Variants in DLGAP2 observed in about 807,000 individuals in gnomAD.
DLGAP2 encodes the protein DLG associated protein 2, also known as disks large-associated protein 2.
In DLGAP2, 26 loss-of-function variants were observed where a neutral mutation model predicts 100.3. The ratio of observed to expected loss-of-function variants is 0.26; its 90% CI spans 0.19 to 0.36. The LOEUF (loss-of-function observed/expected upper bound fraction) is 0.36. Among genes scored for constraint, DLGAP2 ranks in the 10% least tolerant of loss-of-function variants. DLGAP2 has a pLI of 1.00. For missense variants in DLGAP2, 1,858 were observed against 1,453.2 expected, an observed-to-expected ratio of 1.28 and a Z score of -4.53; for synonymous variants, 886 against 630.1, an observed-to-expected ratio of 1.41 and a Z score of -6.08.
chr8:1,301,756 G>C (rs764689713), intron 3 of DLGAP2: 1 of 152,284 alleles, frequency 6.6e-6, no homozygotes, highest in Non-Finnish European at 1.5e-5. Flanking sequence ...CTCTGGGCTT[G>C]TTCTCGCCAC....
intron 3 of DLGAP2, among the ~76,000 whole-genome samples, chr8:1,363,588 T>C (rs1334254455): frequency 6.6e-6 from 1 of 152,196 alleles, no homozygotes; most frequent in Non-Finnish European, 1.5e-5. Context: ...GGCTGTCTTC[T>C]CACAGCCCTG....
At chr8:775,013 C>G (rs578154948) in intron 1 of DLGAP2, among the ~76,000 whole-genome samples, 9 of 152,128 alleles carry the variant, frequency 5.9e-5, no homozygotes, top group African/African-American at 2.2e-4. Context: ...TTTGTATCCT[C>G]TTTTATTTCT....
At chr8:1,122,661 C>G (rs565036698) in intron 2 of DLGAP2, among the ~76,000 whole-genome samples, 2 of 152,240 alleles carry the variant, frequency 1.3e-5, no homozygotes, top group East Asian at 3.9e-4. Context: ...TGATACTTCT[C>G]TTTGAAGAAT....
At chr8:1,030,140 G>T (rs549640500) in intron 2 of DLGAP2, among the ~76,000 whole-genome samples, 117 of 152,334 alleles carry the variant, frequency 7.7e-4, no homozygotes, top group African/African-American at 2.7e-3. Flanking sequence ...TAAGGCCCTA[G>T]TTCCTCCTCC....
At chr8:1,114,845 T>C (rs1416226742) in intron 2 of DLGAP2, among the ~76,000 whole-genome samples, 1 of 152,212 alleles carries the variant, frequency 6.6e-6, no homozygotes, top group Non-Finnish European at 1.5e-5. Flanking sequence ...CTACGAATTT[T>C]CCTGTTAACA....
At chr8:803,986 G>A (rs1394137762) in intron 1 of DLGAP2, among the ~76,000 whole-genome samples, 1 of 152,162 alleles carries the variant, frequency 6.6e-6, no homozygotes, top group African/African-American at 2.4e-5. Context: ...TGAATTTTAA[G>A]CTGCTGCCTT....
At chr8:1,215,496 G>C (rs878918932) in intron 2 of DLGAP2, among the ~76,000 whole-genome samples, 10 of 52,318 alleles carry the variant, frequency 1.9e-4, no homozygotes, top group South Asian at 1.3e-3. Flanking sequence ...GGGTTCATTT[G>C]GGTGCATCAC....
In DLGAP2 at chr8:1,507,152, G is replaced by A. The variant is rs1045749154; in HGVS notation, c.172+5721G>A. 3.3e-5 allele frequency among the ~76,000 whole-genome samples: 5 copies of A among 152,214 alleles called. No individual in the cohort carries two copies. The East Asian group carries it at 5.8e-4, about 18-fold the overall frequency. On this transcript the variant is annotated intron_variant, in intron 4 of 14. Transcript: ENST00000637795. ...CCACGGGCAGAGCTGCCTGCCAGGCGCCTGCACTCCTCAGCCCTTGGAGGG... is the reference window on the plus strand; with the variant it reads ...CCACGGGCAGAGCTGCCTGCCAGGCACCTGCACTCCTCAGCCCTTGGAGGG...
In DLGAP2 at chr8:1,277,128, A is replaced by G. The variant is rs964942607; in HGVS notation, c.106+18245A>G. Among the ~76,000 whole-genome samples, 3 of 152,148 alleles carry G rather than the reference A, an allele frequency of 2.0e-5. No homozygotes were observed. In the East Asian group the frequency reaches 5.8e-4, roughly 29 times the overall value. ...AGCTTTATCTGCATGCTCATTCATG[A>G]TTATTTCCTTAGGGCAGAATCTAGA... On this transcript the variant is annotated intron_variant, in intron 3 of 14. Coordinates refer to ENST00000637795, the MANE Select transcript of DLGAP2 (RefSeq NM_001346810.2).
chr8:846,972 T>G (rs926087024), intron 1 of DLGAP2, among the ~76,000 whole-genome samples: 11 of 152,238 alleles, frequency 7.2e-5, no homozygotes, highest in Non-Finnish European at 1.5e-4. Flanking sequence ...TTGTTAGGGT[T>G]TACTACTAAG....
At chr8:1,551,574 C>G (rs1285149785) in intron 5 of DLGAP2, among the ~76,000 whole-genome samples, 1 of 152,158 alleles carries the variant, frequency 6.6e-6, no homozygotes, top group Non-Finnish European at 1.5e-5. Context: ...ACAGCTATTC[C>G]ACGGTCTAGG....
chr8:1,489,883 G>T (rs1231576492), intron 3 of DLGAP2, among the ~76,000 whole-genome samples: 2 of 152,080 alleles, frequency 1.3e-5, no homozygotes, highest in Non-Finnish European at 1.5e-5. Context: ...GGCATTCCAA[G>T]ATTAAGGCAT....
intron 1 of DLGAP2, among the ~76,000 whole-genome samples, chr8:823,434 T>A (rs1360036045): frequency 6.6e-6 from 1 of 152,160 alleles, no homozygotes; most frequent in East Asian, 1.9e-4. Flanking sequence ...GGGCAATTGC[T>A]TATTTGTACT....
intron 4 of DLGAP2, among the ~76,000 whole-genome samples, chr8:1,525,315 A>G (rs540441182): frequency 4.0e-5 from 6 of 150,528 alleles, no homozygotes; most frequent in African/African-American, 1.2e-4. Context: ...ACTATGTATT[A>G]TCTAATGTTT....
In DLGAP2 at chr8:1,678,352, C is replaced by T; in HGVS notation, c.2427C>T (p.Pro809=). 2 of 1,614,030 alleles carry T rather than the reference C, an allele frequency of 1.2e-6. No homozygotes were observed. The highest frequency in any genetic ancestry group is 8.5e-7 in the Non-Finnish European group (1 of 1,179,896). Residue 809 remains proline (P), a synonymous_variant, in exon 12 of 15, where the codon CCC becomes CCT. Transcript: ENST00000637795. ...CATCCTTCCAGCGGCACTCCGAGCCCAGCACCCCCACCCAGTACAGCGCGG... is the reference window on the plus strand; with the variant it reads ...CATCCTTCCAGCGGCACTCCGAGCCTAGCACCCCCACCCAGTACAGCGCGG... The part of the protein sequence containing the change: ...FGSSFQRHSE[P]STPTQYSAVR...
intron 1 of DLGAP2, among the ~76,000 whole-genome samples, chr8:882,029 T>A (rs933924470): frequency 2.0e-4 from 30 of 152,328 alleles, no homozygotes; most frequent in Admixed American, 4.6e-4. Context: ...ACCTGTGTCC[T>A]GTTCATTCTG....
chr8:1,136,356 G>A (rs62486831), intron 2 of DLGAP2, among the ~76,000 whole-genome samples: 15,846 of 152,056 alleles, frequency 0.1, 928 homozygotes, highest in East Asian at 0.23. Flanking sequence ...CAGATGCCCC[G>A]CAGCCTGTCC....
chr8:790,396 T>A (rs1821994985), intron 1 of DLGAP2, among the ~76,000 whole-genome samples: 1 of 152,220 alleles, frequency 6.6e-6, no homozygotes. Context: ...TCAAGTTTGT[T>A]TCCCATTTTC....
intron 2 of DLGAP2, among the ~76,000 whole-genome samples, chr8:1,165,298 A>G (rs928378559): frequency 6.6e-6 from 1 of 150,620 alleles, no homozygotes; most frequent in African/African-American, 2.4e-5. Flanking sequence ...GGAGAGAGAC[A>G]GGGAGAGAGA....
Sources: gnomAD v4.1 joint callset for allele counts (sites outside exome capture counted in the v4.1 genomes callset) on GRCh38, gnomAD v4.1.1 for gene constraint, MANE v1.5 for transcripts, NCBI Gene and HGNC (gene_info 2026-07-23, HGNC 2026-07-21) for gene names.